PCDHGA10: variants seen among roughly 807,000 people sequenced by gnomAD.
The protein encoded by PCDHGA10 is protocadherin gamma subfamily A, 10, also known as protocadherin gamma-A10.
In PCDHGA10, 42 loss-of-function variants were observed where a neutral mutation model predicts 59.5. That is an observed-to-expected ratio of 0.71 (90% CI 0.55 to 0.91). The LOEUF (loss-of-function observed/expected upper bound fraction) is 0.91. Among genes scored for constraint, PCDHGA10 ranks in the 40% least tolerant of loss-of-function variants. The pLI, the probability that PCDHGA10 is intolerant of heterozygous loss-of-function variation, is 0.00. For synonymous variants in PCDHGA10, 511 were observed against 517.2 expected, an observed-to-expected ratio of 0.99 and a Z score of 0.16; for missense variants, 1,111 against 1,198.2, an observed-to-expected ratio of 0.93 and a Z score of 1.07.
At chr5:141,424,956 T>A (rs1435882776) in intron 1 of PCDHGA10, among the ~76,000 whole-genome samples, 1 of 152,176 alleles carries the variant, frequency 6.6e-6, no homozygotes, top group African/African-American at 2.4e-5. Context: ...TTCTAGGTAT[T>A]TGCCCCAAAT....
At chr5:141,420,457 T>A in intron 1 of PCDHGA10, 1 of 927,890 alleles carries the variant, frequency 1.1e-6, no homozygotes. Flanking sequence ...TTCCTACTAT[T>A]CAAAGACATT....
chr5:141,485,797 C>T lies in PCDHGA10; in HGVS notation c.2437-9010C>T. 1 of 1,614,228 alleles carries T rather than the reference C, an allele frequency of 6.2e-7. No homozygotes were observed. Among genetic ancestry groups the T allele is most frequent in the South Asian group, 1.1e-5 (1 of 91,092 alleles). On this transcript the variant is annotated intron_variant, in intron 1 of 3. Coordinates refer to ENST00000398610, the MANE Select transcript of PCDHGA10 (RefSeq NM_018913.3). This position sits in a 1 kb window ranked among gnomAD's most constrained non-coding sequence, Gnocchi z 5.7. ...TGGATCGAGAGAAGCAATCGGACTACCGCCTGGTGCTGACTGCTGTCGATG... is the reference window on the plus strand; with the variant it reads ...TGGATCGAGAGAAGCAATCGGACTATCGCCTGGTGCTGACTGCTGTCGATG...
At chr5:141,421,520 A>G (rs749034718) in intron 1 of PCDHGA10, 2 of 1,614,068 alleles carry the variant, frequency 1.2e-6, no homozygotes, top group Non-Finnish European at 8.5e-7. Flanking sequence ...GAGCTCTGTG[A>G]GACGGTGTCC....
At chr5:141,444,056 A>G (rs1055292734) in intron 1 of PCDHGA10, among the ~76,000 whole-genome samples, 7 of 151,740 alleles carry the variant, frequency 4.6e-5, no homozygotes, top group Non-Finnish European at 7.4e-5. Context: ...GGCATCTTCA[A>G]TCTAGATTCT....
At chr5:141,457,412 C>A (rs2098919309) in intron 1 of PCDHGA10, among the ~76,000 whole-genome samples, 1 of 152,188 alleles carries the variant, frequency 6.6e-6, no homozygotes. Flanking sequence ...TCACATTACC[C>A]ATCCCTTTTT....
intron 1 of PCDHGA10, chr5:141,423,665 G>A: frequency 6.6e-7 from 1 of 1,512,226 alleles, no homozygotes; most frequent in Non-Finnish European, 8.9e-7. Flanking sequence ...AATCAGGTGA[G>A]ATTTATTTCT....
Position 141,490,202 on chromosome 5 carries a change from G to A in PCDHGA10, c.2437-4605G>A, listed in dbSNP as rs1594889134. On this transcript the variant is annotated intron_variant, in intron 1 of 3. Coordinates refer to ENST00000398610, the MANE Select transcript of PCDHGA10 (RefSeq NM_018913.3). The surrounding 1 kb of genome is among the most constrained non-coding windows in gnomAD (Gnocchi z 5.4). ...TCACGTTTCTATGAAATTCATGCAA[G>A]AGCCCGTGACCAGGGACAGCCTGCC... 1.2e-6 allele frequency: 2 copies of A among 1,614,220 alleles called. No homozygotes were observed. The highest frequency in any genetic ancestry group is 2.7e-5 in the African/African-American group (2 of 75,060).
chr5:141,487,423 C>T lies in PCDHGA10; in HGVS notation c.2437-7384C>T. 1 of 1,614,158 alleles carries T rather than the reference C, an allele frequency of 6.2e-7. No homozygotes were observed. Among genetic ancestry groups the T allele is most frequent in the Non-Finnish European group, 8.5e-7 (1 of 1,180,012 alleles). On this transcript the variant is annotated intron_variant, in intron 1 of 3. Transcript: ENST00000398610. The surrounding 1 kb of genome is among the most constrained non-coding windows in gnomAD (Gnocchi z 5.0). ...GGCTTCCCCCTTCCAATGGGATCCTCCGAATCCAGCTAGGGTCAGATGACC... is the reference window on the plus strand; with the variant it reads ...GGCTTCCCCCTTCCAATGGGATCCTTCGAATCCAGCTAGGGTCAGATGACC...
intron 1 of PCDHGA10, among the ~76,000 whole-genome samples, chr5:141,444,175 TTTTTTTTTTTTTTG>T (rs2098423325): frequency 7.6e-6 from 1 of 131,192 alleles, no homozygotes; most frequent in African/African-American, 3.0e-5. Flanking sequence ...TTTTTTTTTT[TTTTTTTTTTTTTTG>T]AGATGGAGTT....
chr5:141,508,910 A>T (rs2099872999), intron 3 of PCDHGA10, among the ~76,000 whole-genome samples: 1 of 151,906 alleles, frequency 6.6e-6, no homozygotes, highest in Non-Finnish European at 1.5e-5. Context: ...GCGGTGGCGG[A>T]TCTGGCTTCC....
At chr5:141,423,387 G>T (rs373190092) in intron 1 of PCDHGA10, 1 of 1,614,162 alleles carries the variant, frequency 6.2e-7, no homozygotes, top group Non-Finnish European at 8.5e-7. Context: ...TGTGGCGCTG[G>T]CATAAGTCAC....
intron 1 of PCDHGA10, chr5:141,419,102 A>G (rs201327680): frequency 4.5e-5 from 73 of 1,613,748 alleles, no homozygotes; most frequent in Non-Finnish European, 5.9e-5. Flanking sequence ...TCGGGAGCAG[A>G]CCCCAGAGTA....
chr5:141,496,513 G>A (rs1364297990), intron 2 of PCDHGA10, among the ~76,000 whole-genome samples: 1 of 152,140 alleles, frequency 6.6e-6, no homozygotes, highest in Non-Finnish European at 1.5e-5. Context: ...CAAGGACCCA[G>A]GAGCCCTTGG....
intron 1 of PCDHGA10, among the ~76,000 whole-genome samples, chr5:141,447,104 A>G (rs1212797996): frequency 2.0e-5 from 3 of 151,958 alleles, no homozygotes; most frequent in African/African-American, 7.3e-5. Flanking sequence ...TCACATGATT[A>G]TATGTGCTCC....
intron 1 of PCDHGA10, among the ~76,000 whole-genome samples, chr5:141,438,149 A>G (rs1441404688): frequency 6.6e-6 from 1 of 152,220 alleles, no homozygotes; most frequent in African/African-American, 2.4e-5. Context: ...TAGCCAGCCT[A>G]TGGCAAAGCT....
chr5:141,462,657 T>G (rs949098251), intron 1 of PCDHGA10, among the ~76,000 whole-genome samples: 1 of 152,164 alleles, frequency 6.6e-6, no homozygotes, highest in East Asian at 1.9e-4. Flanking sequence ...TCCTCAATTA[T>G]CTTCATATTT....
chr5:141,458,567 TTTTG>T (rs144471304), intron 1 of PCDHGA10, among the ~76,000 whole-genome samples: 42,006 of 151,504 alleles, frequency 0.28, 6,493 homozygotes, highest in African/African-American at 0.43. Context: ...GGTTTTGGGT[TTTTG>T]TTTGTTTGTT....
At chr5:141,447,957 A>T (rs1460497437) in intron 1 of PCDHGA10, among the ~76,000 whole-genome samples, 3 of 151,910 alleles carry the variant, frequency 2.0e-5, no homozygotes, top group African/African-American at 7.3e-5. Context: ...ATGGTGGCGG[A>T]CACCTATAAT....
intron 1 of PCDHGA10, among the ~76,000 whole-genome samples, chr5:141,447,744 T>G (rs1020767891): frequency 3.4e-4 from 51 of 152,206 alleles, no homozygotes; most frequent in African/African-American, 1.2e-3. Context: ...CTTAAGAGTC[T>G]TGCATGTGAC....
Sources: allele counts gnomAD v4.1 joint callset (sites outside exome capture counted in the v4.1 genomes callset), GRCh38; gene constraint gnomAD v4.1.1; non-coding constraint Gnocchi (gnomAD v3.1); transcripts MANE v1.5; gene names NCBI Gene and HGNC (gene_info 2026-07-23, HGNC 2026-07-21).